LRMDA: variants seen among roughly 807,000 people sequenced by gnomAD.
LRMDA encodes the protein leucine-rich melanocyte differentiation-associated protein.
A neutral mutation model predicts 29.8 loss-of-function variants in LRMDA; 18 were observed. That is an observed-to-expected ratio of 0.60 (90% CI 0.42 to 0.90). The LOEUF is 0.90. LRMDA is among the 40% of genes least tolerant of loss of function. The pLI is 0.00. For missense variants in LRMDA, 273 were observed against 273.9 expected, an observed-to-expected ratio of 1.00 and a Z score of 0.02; for synonymous variants, 125 against 109.4, an observed-to-expected ratio of 1.14 and a Z score of -0.89.
intron 2 of LRMDA, among the ~76,000 whole-genome samples, chr10:75,734,470 T>G (rs1397533765): frequency 6.6e-6 from 1 of 152,200 alleles, no homozygotes; most frequent in Non-Finnish European, 1.5e-5. Flanking sequence ...TAGGTCTCGG[T>G]CCCTACTGTT....
intron 2 of LRMDA, among the ~76,000 whole-genome samples, chr10:75,500,850 T>A (rs1228577732): frequency 6.6e-6 from 1 of 152,172 alleles, no homozygotes; most frequent in Non-Finnish European, 1.5e-5. Flanking sequence ...ACCAGGTCCC[T>A]CGCTCGATTA....
chr10:75,658,788 A>C (rs1398536978), intron 2 of LRMDA, among the ~76,000 whole-genome samples: 1 of 107,400 alleles, frequency 9.3e-6, no homozygotes, highest in African/African-American at 1.2e-4. Context: ...TAGAATTTTC[A>C]CTGGGGGAAA....
chr10:76,208,710 T>C (rs1564686424), intron 5 of LRMDA, among the ~76,000 whole-genome samples: 1 of 152,078 alleles, frequency 6.6e-6, no homozygotes. Context: ...AGAGCAGCCA[T>C]GGAAAACCAA....
chr10:75,764,819 G>T (rs888639051), intron 2 of LRMDA, among the ~76,000 whole-genome samples: 15 of 152,176 alleles, frequency 9.9e-5, no homozygotes, highest in African/African-American at 3.6e-4. Context: ...AAAATTGGTG[G>T]TGGAAAGCAA....
At chr10:75,434,101 C>A (rs1003804181) in intron 1 of LRMDA, among the ~76,000 whole-genome samples, 1 of 152,174 alleles carries the variant, frequency 6.6e-6, no homozygotes, top group African/African-American at 2.4e-5. Flanking sequence ...AGCATTAAGT[C>A]ATTTCTCTTT....
intron 2 of LRMDA, among the ~76,000 whole-genome samples, chr10:75,666,882 C>G (rs902753113): frequency 6.6e-6 from 1 of 152,082 alleles, no homozygotes; most frequent in Non-Finnish European, 1.5e-5. Context: ...TAAAATTCAC[C>G]TATCTGCAGG....
intron 5 of LRMDA, among the ~76,000 whole-genome samples, chr10:76,311,470 TA>T (rs1274052388): frequency 6.6e-6 from 1 of 152,134 alleles, no homozygotes; most frequent in Non-Finnish European, 1.5e-5. Context: ...ATTTGAAAAA[TA>T]TGCACGTATC....
At chr10:75,460,142 A>G (rs1844567773) in intron 2 of LRMDA, among the ~76,000 whole-genome samples, 1 of 152,220 alleles carries the variant, frequency 6.6e-6, no homozygotes, top group South Asian at 2.1e-4. Context: ...ATTTGCAAAT[A>G]GTGACATTTA....
chr10:76,005,540 G>GA (rs1314648731), intron 2 of LRMDA, among the ~76,000 whole-genome samples: 2 of 152,162 alleles, frequency 1.3e-5, no homozygotes, highest in Non-Finnish European at 2.9e-5. Context: ...TTGAGCCCAG[G>GA]AGTTTGAGGC....
intron 6 of LRMDA, among the ~76,000 whole-genome samples, chr10:76,425,528 T>A (rs1842114654): frequency 6.6e-6 from 1 of 151,840 alleles, no homozygotes; most frequent in African/African-American, 2.4e-5. Flanking sequence ...AAAGGTTATT[T>A]GTAGGCAGTA....
At chr10:75,660,075 C>T (rs1405457686) in intron 2 of LRMDA, among the ~76,000 whole-genome samples, 1 of 152,070 alleles carries the variant, frequency 6.6e-6, no homozygotes, top group East Asian at 1.9e-4. Context: ...TTCTCCCTCT[C>T]TCTCTCTCTT....
In LRMDA at chr10:75,641,603, A is replaced by T. The variant is rs182899942; in HGVS notation, c.131+203109A>T. Among the ~76,000 whole-genome samples the T allele has an allele frequency of 2.8e-3, 420 of 151,972 alleles. 1 individual carries two copies. Among genetic ancestry groups the T allele is most frequent in the African/African-American group, 9.7e-3 (402 of 41,452 alleles). On this transcript the variant is annotated intron_variant, in intron 2 of 6. Coordinates refer to ENST00000611255, the MANE Select transcript of LRMDA (RefSeq NM_001305581.2). ...GCCTCGACCTCCTGAGGCTATATTT[A>T]AAAAAAATTTTTTTTTTGTGGAGAC...
intron 2 of LRMDA, among the ~76,000 whole-genome samples, chr10:75,925,000 G>A (rs1336917912): frequency 6.6e-6 from 1 of 152,110 alleles, no homozygotes; most frequent in Non-Finnish European, 1.5e-5. Context: ...ACCTCGGGTT[G>A]CCTTGGCCGA....
At chr10:75,989,614 G>T (rs76492892) in intron 2 of LRMDA, among the ~76,000 whole-genome samples, 3,592 of 152,324 alleles carry the variant, frequency 0.024, 69 homozygotes, top group Non-Finnish European at 0.035. Flanking sequence ...GATAGTAACA[G>T]CAGCAGAGGG....
At chr10:76,552,214 A>G (rs184280755) in intron 6 of LRMDA, among the ~76,000 whole-genome samples, 4 of 152,388 alleles carry the variant, frequency 2.6e-5, no homozygotes, top group Non-Finnish European at 4.4e-5. Flanking sequence ...CCACTAAAAT[A>G]TTAATGACAG....
chr10:75,862,929 C>T (rs986369606), intron 2 of LRMDA, among the ~76,000 whole-genome samples: 4 of 152,024 alleles, frequency 2.6e-5, no homozygotes, highest in Non-Finnish European at 2.9e-5. Context: ...GAAAATTCAT[C>T]GTCAGACCAG....
chr10:75,926,860 T>G (rs1038788974), intron 2 of LRMDA, among the ~76,000 whole-genome samples: 1 of 152,242 alleles, frequency 6.6e-6, no homozygotes, highest in Non-Finnish European at 1.5e-5. Context: ...GCTTCTCCTA[T>G]CCTATCTGAT....
intron 2 of LRMDA, among the ~76,000 whole-genome samples, chr10:75,818,865 G>A (rs1204642530): frequency 6.6e-6 from 1 of 152,180 alleles, no homozygotes; most frequent in Non-Finnish European, 1.5e-5. Flanking sequence ...AGGCATTCAA[G>A]GCTCCTCATG....
intron 6 of LRMDA, among the ~76,000 whole-genome samples, chr10:76,381,626 G>T (rs571194842): frequency 6.6e-6 from 1 of 151,970 alleles, no homozygotes; most frequent in Non-Finnish European, 1.5e-5. Flanking sequence ...AAGCATCTCC[G>T]TGCTTACAAA....
Sources: gnomAD v4.1 joint callset for allele counts (sites outside exome capture counted in the v4.1 genomes callset) on GRCh38, gnomAD v4.1.1 for gene constraint, MANE v1.5 for transcripts, NCBI Gene and HGNC (gene_info 2026-07-23, HGNC 2026-07-21) for gene names.